The following TSC2 variants were observed in gnomAD, a reference collection of about 807,000 sequenced individuals.
TSC2 encodes tuberin.
Under a neutral mutation model 202.2 loss-of-function variants are expected in TSC2, and 29 were observed. The observed-to-expected ratio is 0.14, with a 90% CI of 0.11 to 0.20. TSC2 has a LOEUF of 0.20. Among genes scored for constraint, TSC2 ranks in the 10% least tolerant of loss-of-function variants. The pLI is 1.00. For missense variants in TSC2, 2,429 were observed against 2,420.0 expected, an observed-to-expected ratio of 1.00 and a Z score of -0.08; for synonymous variants, 1,349 against 1,044.0, an observed-to-expected ratio of 1.29 and a Z score of -5.63.
intron 20 of TSC2, 33 bp downstream of exon 20, chr16:2,072,396 A>T (rs2088596545): frequency 6.2e-7 from 1 of 1,612,300 alleles, no homozygotes; most frequent in Non-Finnish European, 8.5e-7. Context: ...GGGGTGGGGG[A>T]CCCAGTAGGG....
At chr16:2,063,940 G>T in intron 14 of TSC2, 1 of 443,436 alleles carries the variant, frequency 2.3e-6, no homozygotes, top group South Asian at 2.1e-5. Flanking sequence ...ACGCACACAC[G>T]CACAGCACCA....
In TSC2 at chr16:2,088,871, G is replaced by C; in HGVS notation, c.*261G>C. 2.0e-6 allele frequency: 1 copy of C among 495,446 alleles called. No homozygotes were observed. The highest frequency in any genetic ancestry group is 3.5e-6 in the Non-Finnish European group (1 of 283,418). 30.7% of individuals were successfully genotyped at this position (495,446 alleles called of 1,614,324 possible). A position where few individuals can be genotyped will look rare whatever the true frequency, so the allele number is the denominator to read the frequency against. On this transcript the variant is annotated 3_prime_UTR_variant, in exon 42 of 42. Transcript: ENST00000219476. ...CCTGGGCCATACAGCACACTCGCGC[G>C]TGCGCGCGCGCACACACACACACAC... is the stretch of plus-strand genomic sequence containing the variant.
At chr16:2,077,258 C>A (rs1036988654) in intron 25 of TSC2, 12 of 372,828 alleles carry the variant, frequency 3.2e-5, no homozygotes, top group East Asian at 6.5e-5. Context: ...CTGCCTTCCG[C>A]GGGTGGGTGG....
At chr16:2,087,821 A>G (rs1376452240) in intron 38 of TSC2, 42 bp from the exon 39 acceptor site, 1 of 1,607,796 alleles carries the variant, frequency 6.2e-7, no homozygotes, top group East Asian at 2.2e-5. Context: ...AGCCTTCAGC[A>G]CACGCTGTGT....
chr16:2,076,925 T>A (rs1253406809), intron 25 of TSC2, among the ~76,000 whole-genome samples: 1 of 152,098 alleles, frequency 6.6e-6, no homozygotes, highest in Non-Finnish European at 1.5e-5. Flanking sequence ...AGCCGGGGAC[T>A]CTGCTTCATC....
In TSC2 at chr16:2,086,194, G is replaced by A. The variant is rs1354678802; in HGVS notation, c.4664G>A (p.Ser1555Asn). ...CCTGCCTCTCCCCTCTCCCCACAGA[G>A]CAACAGCGAGCTCGCCATCCTGTCC... ...IAVLYVGEGQ[S>N]NSELAILSNE... The change falls in exon 37 of 42, where the codon AGC becomes AAC. Residue 1555 changes from serine to asparagine, a missense_variant and splice_region_variant. Ser to Asn is a conservative substitution (Grantham distance 46). Transcript: ENST00000219476. 1.2e-6 allele frequency: 2 copies of A among 1,612,304 alleles called. No homozygotes were observed. The highest frequency in any genetic ancestry group is 8.5e-7 in the Non-Finnish European group (1 of 1,179,658).
rs45517196 is a variant in TSC2, at chr16:2,070,474, C to T, written c.1735C>T (p.Pro579Ser). 1 of 1,613,400 alleles carries T rather than the reference C, an allele frequency of 6.2e-7. No individual in the cohort carries two copies. Among genetic ancestry groups the T allele is most frequent in the Non-Finnish European group, 8.5e-7 (1 of 1,180,024 alleles). The change falls in exon 17 of 42, where the codon CCT becomes TCT. Residue 579 changes from proline (P) to serine (S), a missense_variant. Transcript: ENST00000219476. Reference protein sequence around the residue: ...VILQTKLYTLPASHATRVYEM... With the variant: ...VILQTKLYTLSASHATRVYEM... ...TCTGCAGACCAAGCTGTACACCCTGCCTGCAAGCCACGCCACGCGTGTGTA... is the reference window on the plus strand; with the variant it reads ...TCTGCAGACCAAGCTGTACACCCTGTCTGCAAGCCACGCCACGCGTGTGTA...
intron 35 of TSC2, 67 bp from the exon 36 acceptor site, chr16:2,085,163 C>T (rs1241903193): frequency 1.8e-5 from 29 of 1,607,758 alleles, no homozygotes; most frequent in South Asian, 3.3e-5. Flanking sequence ...CTGCCGTGAC[C>T]GGCCTGGGTG....
rs2151429681 is a variant in TSC2, at chr16:2,079,018, G to C, written c.2967-14G>C. On this transcript the variant is annotated splice_polypyrimidine_tract_variant and intron_variant, in intron 26 of 41. Coordinates refer to ENST00000219476, the MANE Select transcript of TSC2 (RefSeq NM_000548.5). This position sits in a 1 kb window ranked among gnomAD's most constrained non-coding sequence, Gnocchi z 4.6. ...ACCTGGCACCCTGACCCTGGTCACG[G>C]CCTCTCCCTCCAGCAGGATACAGAC... 1 of 1,612,198 alleles carries C rather than the reference G, an allele frequency of 6.2e-7. No individual in the cohort carries two copies. The highest frequency in any genetic ancestry group is 1.6e-4 in the Middle Eastern group (1 of 6,062).
rs1263672914 is a variant in TSC2, at chr16:2,079,974, TG to T, written c.3398-188del. ...CGTGGTCTGACTGCAGGACAGGTTC[TG>T]GGTCCCTCCCTGTGGCCCTGGGTTC... On this transcript the variant is annotated intron_variant, in intron 29 of 41. Coordinates refer to ENST00000219476, the MANE Select transcript of TSC2 (RefSeq NM_000548.5). The surrounding 1 kb of genome is among the most constrained non-coding windows in gnomAD (Gnocchi z 4.6). Among the ~76,000 whole-genome samples, 1 of 152,234 alleles carries T rather than the reference TG, an allele frequency of 6.6e-6. No homozygotes were observed. Among genetic ancestry groups the T allele is most frequent in the East Asian group, 1.9e-4 (1 of 5,190 alleles).
intron 9 of TSC2, among the ~76,000 whole-genome samples, chr16:2,057,648 C>T (rs1327810243): frequency 6.6e-6 from 1 of 152,206 alleles, no homozygotes; most frequent in African/African-American, 2.4e-5. Context: ...CTCCATGCAG[C>T]ACCCGGGTGG....
chr16:2,085,471 G>A (rs950470788), intron 36 of TSC2, 149 bp downstream of exon 36: 12 of 890,936 alleles, frequency 1.3e-5, no homozygotes, highest in Non-Finnish European at 1.7e-5. Flanking sequence ...CTCTGTGCCA[G>A]GTGCTGCTCT....
In TSC2 at chr16:2,088,751, G is replaced by A. The variant is rs538964708; in HGVS notation, c.*141G>A. On this transcript the variant is annotated 3_prime_UTR_variant, in exon 42 of 42. Coordinates refer to ENST00000219476, the MANE Select transcript of TSC2 (RefSeq NM_000548.5). The stretch of plus-strand genomic sequence containing the variant: ...TTTATTGACTTTGTCTGCTTGGTGC[G>A]GGGGTTGGGGGGGTGTCGAGGCTCT... 49 of 1,138,316 alleles carry A rather than the reference G, an allele frequency of 4.3e-5. No homozygotes were observed. The highest frequency in any genetic ancestry group is 6.2e-5 in the African/African-American group (4 of 64,358). 70.5% of individuals were successfully genotyped at this position (1,138,316 alleles called of 1,614,324 possible). A position where few individuals can be genotyped will look rare whatever the true frequency, so the allele number is the denominator to read the frequency against.
At chr16:2,060,320 G>T (rs938318126) in intron 10 of TSC2, among the ~76,000 whole-genome samples, 1 of 152,206 alleles carries the variant, frequency 6.6e-6, no homozygotes, top group Non-Finnish European at 1.5e-5. Context: ...CCTCCCCGTA[G>T]GGGCGGTGGG....
chr16:2,048,224 G>A, intron 1 of TSC2, 159 bp downstream of exon 1: 3 of 1,471,844 alleles, frequency 2.0e-6, no homozygotes, highest in South Asian at 2.4e-5. Context: ...TGGCGGGTGC[G>A]AACGGGTCTC....
chr16:2,047,993 C>T lies in TSC2; in HGVS notation c.-102C>T, dbSNP rs2084548415. On this transcript the variant is annotated 5_prime_UTR_variant, in exon 1 of 42. Coordinates refer to ENST00000219476, the MANE Select transcript of TSC2 (RefSeq NM_000548.5). ...CCGGAAGTGCGGGTCGCGCTTCCGGCGGCGTCCCGGGGCCAGGGGGGTGCG... is the reference window on the plus strand; with the variant it reads ...CCGGAAGTGCGGGTCGCGCTTCCGGTGGCGTCCCGGGGCCAGGGGGGTGCG... The T allele has an allele frequency of 8.0e-6, 12 of 1,509,272 alleles. No individual in the cohort carries two copies. Among genetic ancestry groups the T allele is most frequent in the Non-Finnish European group, 1.1e-5 (12 of 1,130,918 alleles). 93.5% of individuals were successfully genotyped at this position (1,509,272 alleles called of 1,614,324 possible).
At position 2,088,894 on chromosome 16, in the gene TSC2, C is replaced by CACACAG. The variant is rs2091282349; in HGVS notation, c.*285_*290dup. The CACACAG allele has an allele frequency of 2.3e-6, 1 of 432,150 alleles. No individual in the cohort carries two copies. Among genetic ancestry groups the CACACAG allele is most frequent in the African/African-American group, 2.0e-5 (1 of 50,262 alleles). The allele number at this position is 432,150 out of a possible 1,614,324, so 26.8% of individuals were successfully genotyped here. ...GCGTGCGCGCGCGCACACACACACACACACAGTCACCTTCCTCCACCCTGG... is the reference window on the plus strand; with the variant it reads ...GCGTGCGCGCGCGCACACACACACACACACAGACACAGTCACCTTCCTCCACCCTGG... On this transcript the variant is annotated 3_prime_UTR_variant, in exon 42 of 42. Coordinates refer to ENST00000219476, the MANE Select transcript of TSC2 (RefSeq NM_000548.5).
At chr16:2,058,218 C>G (rs562037072) in intron 9 of TSC2, among the ~76,000 whole-genome samples, 8 of 152,308 alleles carry the variant, frequency 5.3e-5, no homozygotes, top group African/African-American at 1.9e-4. Context: ...GCCCCACCCC[C>G]TGCATCTCTC....
chr16:2,078,638 A>T, intron 26 of TSC2: 1 of 342,974 alleles, frequency 2.9e-6, no homozygotes, highest in Non-Finnish European at 5.6e-6. Flanking sequence ...TGGGGATCCC[A>T]GACCTCTGTG....
Sources: gnomAD v4.1 joint callset for allele counts (sites outside exome capture counted in the v4.1 genomes callset) on GRCh38, gnomAD v4.1.1 for gene constraint, Gnocchi (gnomAD v3.1) non-coding constraint, MANE v1.5 for transcripts, NCBI Gene and HGNC (gene_info 2026-07-23, HGNC 2026-07-21) for gene names.